The following SORCS3 variants were observed in gnomAD, a reference collection of about 807,000 sequenced individuals.
SORCS3 encodes VPS10 domain-containing receptor SorCS3.
A neutral mutation model predicts 146.3 loss-of-function variants in SORCS3; 57 were observed. That is an observed-to-expected ratio of 0.39 (90% confidence interval 0.31 to 0.49). The LOEUF (loss-of-function observed/expected upper bound fraction) is 0.49, where lower values mean the gene tolerates loss of function less well. Among genes scored for constraint, SORCS3 ranks in the 20% least tolerant of loss-of-function variants. SORCS3 has a pLI of 0.92. For synonymous variants in SORCS3, 653 were observed against 618.5 expected (o/e 1.06, Z -0.83); for missense variants, 1,341 against 1,575.5 (o/e 0.85, Z 2.52).
intron 5 of SORCS3, among the ~76,000 whole-genome samples, chr10:105,049,777 A>G (rs2055398322): frequency 1.3e-5 from 2 of 152,038 alleles, no homozygotes; most frequent in African/African-American, 4.8e-5. Flanking sequence ...GGATATGGAC[A>G]TAAAGGTGGG....
chr10:104,889,152 C>A (rs2018722837), intron 2 of SORCS3, among the ~76,000 whole-genome samples: 1 of 151,418 alleles, frequency 6.6e-6, no homozygotes, highest in Non-Finnish European at 1.5e-5. Context: ...TTTTTTACCC[C>A]ATCTTTTTGC....
chr10:105,076,799 G>A (rs962992593), intron 5 of SORCS3, among the ~76,000 whole-genome samples: 1 of 152,194 alleles, frequency 6.6e-6, no homozygotes, highest in Non-Finnish European at 1.5e-5. Flanking sequence ...GTATTCAGTA[G>A]GTATTTGCCA....
At chr10:104,840,760 G>T (rs2018128543) in intron 1 of SORCS3, among the ~76,000 whole-genome samples, 1 of 12,872 alleles carries the variant, frequency 7.8e-5, no homozygotes, top group South Asian at 2.5e-3. Context: ...TGTAGATTTT[G>T]CACTTTTTAG....
intron 6 of SORCS3, among the ~76,000 whole-genome samples, chr10:105,098,008 C>T (rs556676860): frequency 6.6e-6 from 1 of 152,310 alleles, no homozygotes; most frequent in South Asian, 2.1e-4. Context: ...CAAGATAAAG[C>T]CTAATACTTC....
intron 20 of SORCS3, among the ~76,000 whole-genome samples, chr10:105,224,287 G>C (rs1240028062): frequency 1.3e-5 from 2 of 152,092 alleles, no homozygotes; most frequent in Non-Finnish European, 2.9e-5. Flanking sequence ...TATTTTTACT[G>C]TCTCTGTAGT....
At chr10:104,656,791 G>A (rs1342517270) in intron 1 of SORCS3, among the ~76,000 whole-genome samples, 1 of 152,222 alleles carries the variant, frequency 6.6e-6, no homozygotes, top group Non-Finnish European at 1.5e-5. Flanking sequence ...GTGGGTTAGA[G>A]GGAAAAAAGG....
chr10:104,968,644 C>A (rs1348830004), intron 3 of SORCS3, among the ~76,000 whole-genome samples: 2 of 152,200 alleles, frequency 1.3e-5, no homozygotes, highest in Non-Finnish European at 2.9e-5. Flanking sequence ...CTAGTGGGAT[C>A]TCTGTCCTGT....
At chr10:104,742,736 C>A (rs559462748) in intron 1 of SORCS3, among the ~76,000 whole-genome samples, 5 of 152,142 alleles carry the variant, frequency 3.3e-5, no homozygotes, top group Non-Finnish European at 1.5e-5. Context: ...CTGAACCAGT[C>A]AAAGAGTAAG....
intron 1 of SORCS3, among the ~76,000 whole-genome samples, chr10:104,837,937 ATGCTGGTTCTGTCTC>A (rs1197178490): frequency 6.6e-6 from 1 of 152,160 alleles, no homozygotes; most frequent in Non-Finnish European, 1.5e-5. Context: ...ATGAGCAGAA[ATGCTGGTTCTGTCTC>A]TTGCTGGTTG....
At chr10:105,052,700 A>G (rs2055421532) in intron 5 of SORCS3, among the ~76,000 whole-genome samples, 1 of 152,100 alleles carries the variant, frequency 6.6e-6, no homozygotes, top group African/African-American at 2.4e-5. Context: ...CACTTCCATG[A>G]GCAGGAATAG....
intron 4 of SORCS3, among the ~76,000 whole-genome samples, chr10:105,020,887 G>A (rs780956844): frequency 3.9e-5 from 6 of 152,158 alleles, no homozygotes; most frequent in African/African-American, 1.4e-4. Context: ...GTCTGAGTTC[G>A]TATGATACTC....
chr10:104,695,721 A>T (rs948915184), intron 1 of SORCS3, among the ~76,000 whole-genome samples: 1 of 151,260 alleles, frequency 6.6e-6, no homozygotes, highest in African/African-American at 2.4e-5. Context: ...CTACTGTGTA[A>T]TTTGCTTTTT....
At chr10:105,244,378 C>A (rs186573634) in intron 20 of SORCS3, among the ~76,000 whole-genome samples, 25 of 151,980 alleles carry the variant, frequency 1.6e-4, no homozygotes, top group Admixed American at 8.5e-4. Flanking sequence ...ATACAGTCAG[C>A]CCTCCATATC....
intron 3 of SORCS3, among the ~76,000 whole-genome samples, chr10:104,941,534 T>C (rs2019320390): frequency 6.6e-6 from 1 of 152,152 alleles, no homozygotes; most frequent in African/African-American, 2.4e-5. Context: ...TCTTTAGGGT[T>C]CTCAAGGCCA....
At chr10:104,903,484 G>A (rs2018873492) in intron 2 of SORCS3, among the ~76,000 whole-genome samples, 1 of 152,140 alleles carries the variant, frequency 6.6e-6, no homozygotes, top group Admixed American at 6.5e-5. Flanking sequence ...GTAGATGAGA[G>A]GGCTTTACAC....
At chr10:104,935,456 G>A (rs922589769) in intron 3 of SORCS3, among the ~76,000 whole-genome samples, 1 of 152,128 alleles carries the variant, frequency 6.6e-6, no homozygotes, top group Non-Finnish European at 1.5e-5. Flanking sequence ...TGGGGTCCAG[G>A]GTTGGCAATT....
chr10:105,155,108 C>T (rs2056197198), intron 9 of SORCS3, among the ~76,000 whole-genome samples: 1 of 152,166 alleles, frequency 6.6e-6, no homozygotes, highest in African/African-American at 2.4e-5. Context: ...AGTCCCCATT[C>T]CCCTGGTTTT....
chr10:104,771,958 A>T (rs2017254577), intron 1 of SORCS3, among the ~76,000 whole-genome samples: 1 of 151,988 alleles, frequency 6.6e-6, no homozygotes, highest in Non-Finnish European at 1.5e-5. Flanking sequence ...GGCCTCCTTG[A>T]AAGGTTTTTT....
intron 2 of SORCS3, among the ~76,000 whole-genome samples, chr10:104,892,109 C>T (rs529193953): frequency 4.6e-5 from 7 of 152,264 alleles, no homozygotes; most frequent in African/African-American, 1.4e-4. Context: ...GTTGTAAAAA[C>T]ATGTGGCCCT....
Sources: allele counts gnomAD v4.1 joint callset (sites outside exome capture counted in the v4.1 genomes callset), GRCh38; gene constraint gnomAD v4.1.1; transcripts MANE v1.5; gene names NCBI Gene and HGNC (gene_info 2026-07-23, HGNC 2026-07-21).